The following LPP variants were observed in gnomAD, a reference collection of about 807,000 sequenced individuals.
LPP encodes the protein LIM domain containing preferred translocation partner in lipoma, also known as lipoma-preferred partner.
A neutral mutation model predicts 60.4 loss-of-function variants in LPP; 38 were observed. The observed-to-expected ratio is 0.63, with a 90% CI of 0.49 to 0.83. The LOEUF (loss-of-function observed/expected upper bound fraction) is 0.83. LPP is among the 40% of genes least tolerant of loss of function. The pLI is 0.00. For missense variants in LPP, 902 were observed against 783.6 expected (o/e 1.15, Z -1.80); for synonymous variants, 328 against 290.8 (o/e 1.13, Z -1.30).
chr3:188,818,446 G>A (rs771481808), intron 9 of LPP, among the ~76,000 whole-genome samples: 6 of 152,108 alleles, frequency 3.9e-5, no homozygotes, highest in Non-Finnish European at 7.4e-5. Flanking sequence ...AGAAGATTAC[G>A]TAGTGTCTGT....
chr3:188,360,324 G>A (rs913629660), intron 3 of LPP, among the ~76,000 whole-genome samples: 1 of 152,080 alleles, frequency 6.6e-6, no homozygotes, highest in South Asian at 2.1e-4. Flanking sequence ...ATGTTTATTA[G>A]CACTTCTTTA....
At chr3:188,267,831 C>T (rs1403926364) in intron 2 of LPP, among the ~76,000 whole-genome samples, 2 of 152,010 alleles carry the variant, frequency 1.3e-5, no homozygotes, top group Non-Finnish European at 1.5e-5. Flanking sequence ...GGGATGTCAG[C>T]CCCAGGACCC....
chr3:188,484,723 G>C lies in LPP; in HGVS notation c.306+19G>C. 6.4e-7 allele frequency: 1 copy of C among 1,552,496 alleles called. No homozygotes were observed. Among genetic ancestry groups the C allele is most frequent in the Non-Finnish European group, 8.9e-7 (1 of 1,124,280 alleles). ...AGTACAGGTAAGAGCTGAAGTTAAA[G>C]TCATGTTAGGTAAGAGCTGAAGTTA... is the stretch of plus-strand genomic sequence containing the variant. On this transcript the variant is annotated intron_variant, in intron 5 of 11. Coordinates refer to ENST00000617246, the MANE Select transcript of LPP (RefSeq NM_001375462.1).
intron 2 of LPP, among the ~76,000 whole-genome samples, chr3:188,241,330 T>C (rs2149468184): frequency 6.6e-6 from 1 of 152,362 alleles, no homozygotes; most frequent in South Asian, 2.1e-4. Context: ...CGCTGTGTGC[T>C]GGACAGCCCC....
At chr3:188,512,994 CT>C (rs1816269413) in intron 5 of LPP, among the ~76,000 whole-genome samples, 1 of 152,190 alleles carries the variant, frequency 6.6e-6, no homozygotes, top group African/African-American at 2.4e-5. Flanking sequence ...CTCCAGCCCC[CT>C]CACCACATAT....
At chr3:188,814,363 A>T (rs1055333740) in intron 9 of LPP, among the ~76,000 whole-genome samples, 1 of 152,184 alleles carries the variant, frequency 6.6e-6, no homozygotes, top group African/African-American at 2.4e-5. Flanking sequence ...CACTGGTTCA[A>T]TTCAGAAGTA....
At chr3:188,728,768 C>G (rs1719334803) in intron 8 of LPP, among the ~76,000 whole-genome samples, 2 of 151,688 alleles carry the variant, frequency 1.3e-5, no homozygotes, top group African/African-American at 4.8e-5. Context: ...ACTAATGACA[C>G]AGTAGATTAT....
intron 6 of LPP, among the ~76,000 whole-genome samples, chr3:188,575,900 G>C (rs1297482962): frequency 6.6e-6 from 1 of 152,080 alleles, no homozygotes; most frequent in Non-Finnish European, 1.5e-5. Flanking sequence ...TGATTGACTG[G>C]ATTTGAGGAA....
chr3:188,813,412 T>C (rs1021102925), intron 9 of LPP, among the ~76,000 whole-genome samples: 1 of 152,232 alleles, frequency 6.6e-6, no homozygotes, highest in Non-Finnish European at 1.5e-5. Context: ...TCAGTATCAT[T>C]ATTATTCTTG....
At chr3:188,486,102 A>T (rs933279757) in intron 5 of LPP, among the ~76,000 whole-genome samples, 1 of 152,116 alleles carries the variant, frequency 6.6e-6, no homozygotes, top group African/African-American at 2.4e-5. Flanking sequence ...AGATATTTTG[A>T]TATAGGCATA....
intron 8 of LPP, among the ~76,000 whole-genome samples, chr3:188,732,716 CAAA>C (rs1167795146): frequency 3.6e-4 from 27 of 74,348 alleles, no homozygotes; most frequent in African/African-American, 9.5e-4. Flanking sequence ...AGACTCTTAT[CAAA>C]AAAAAAAAAA....
intron 5 of LPP, among the ~76,000 whole-genome samples, chr3:188,490,935 T>C (rs1808179897): frequency 6.6e-6 from 1 of 151,786 alleles, no homozygotes; most frequent in East Asian, 1.9e-4. Context: ...TTTTAGTTTT[T>C]TATTTTTAGT....
Position 188,305,746 on chromosome 3 carries a change from A to G in LPP, c.-66-35917A>G, listed in dbSNP as rs149778693. ...ATTTGAAGGTTTTTCAGAGTCTGAA[A>G]CACACAGCGACCGAAAGTATTTGGG... On this transcript the variant is annotated intron_variant, in intron 2 of 11. Transcript: ENST00000617246. 2.5e-3 allele frequency among the ~76,000 whole-genome samples: 376 copies of G among 152,332 alleles called. 2 individuals carry two copies. The highest frequency in any genetic ancestry group is 2.4e-3 in the Non-Finnish European group (166 of 68,036).
intron 2 of LPP, among the ~76,000 whole-genome samples, chr3:188,335,990 T>G (rs192963659): frequency 3.9e-5 from 6 of 152,312 alleles, no homozygotes; most frequent in Non-Finnish European, 5.9e-5. Context: ...CTTCTAAAGC[T>G]ACGTTCAATG....
chr3:188,609,995 G>GGA lies in LPP; in HGVS notation c.1113+160_1113+161dup. The GGA allele has an allele frequency of 1.3e-6, 1 of 740,828 alleles. No individual in the cohort carries two copies. Among genetic ancestry groups the GGA allele is most frequent in the Admixed American group, 2.9e-5 (1 of 34,214 alleles). 45.9% of individuals were successfully genotyped at this position (740,828 alleles called of 1,614,324 possible). A position where few individuals can be genotyped will look rare whatever the true frequency, so the allele number is the denominator to read the frequency against. ...AGGGAAGGATGAGTGAAGCCAGAGAGGAGAGAGAGACTACTTAGTATGTTA... is the reference window on the plus strand; with the variant it reads ...AGGGAAGGATGAGTGAAGCCAGAGAGGAGAGAGAGAGACTACTTAGTATGTTA... On this transcript the variant is annotated intron_variant, in intron 7 of 11. Transcript: ENST00000617246. The surrounding 1 kb of genome is among the most constrained non-coding windows in gnomAD (Gnocchi z 6.9).
intron 2 of LPP, among the ~76,000 whole-genome samples, chr3:188,289,684 A>G (rs1745286784): frequency 6.6e-6 from 1 of 152,198 alleles, no homozygotes; most frequent in Admixed American, 6.5e-5. Flanking sequence ...ATAAGCAGGT[A>G]CATACGTAGA....
At chr3:188,791,769 T>TTGTCCTGCTCATA (rs1743840456) in intron 9 of LPP, among the ~76,000 whole-genome samples, 1 of 152,166 alleles carries the variant, frequency 6.6e-6, no homozygotes, top group Non-Finnish European at 1.5e-5. Context: ...CAAGATTGCG[T>TTGTCCTGCTCATA]TGTCCTGCTC....
chr3:188,244,750 A>C (rs1726270061), intron 2 of LPP, among the ~76,000 whole-genome samples: 1 of 151,990 alleles, frequency 6.6e-6, no homozygotes. Flanking sequence ...TTTAAAACAC[A>C]TCTCCTTTGG....
intron 3 of LPP, among the ~76,000 whole-genome samples, chr3:188,365,660 A>G (rs557926027): frequency 1.3e-5 from 2 of 150,632 alleles, no homozygotes; most frequent in Admixed American, 1.3e-4. Flanking sequence ...CATCTTGGTA[A>G]TGTCTTTCTT....
Sources: allele counts gnomAD v4.1 joint callset (sites outside exome capture counted in the v4.1 genomes callset), GRCh38; gene constraint gnomAD v4.1.1; non-coding constraint Gnocchi (gnomAD v3.1); transcripts MANE v1.5; gene names NCBI Gene and HGNC (gene_info 2026-07-23, HGNC 2026-07-21).